TMEM131: variants seen among roughly 807,000 people sequenced by gnomAD.
TMEM131 encodes the protein transmembrane protein 131.
TMEM131 carries 66 observed loss-of-function variants against 211.6 expected under a neutral mutation model. The ratio of observed to expected loss-of-function variants is 0.31; its 90% confidence interval spans 0.26 to 0.38. The LOEUF is 0.38. Among genes scored for constraint, TMEM131 ranks in the 10% least tolerant of loss-of-function variants. The pLI, the probability that TMEM131 is intolerant of heterozygous loss-of-function variation, is 1.00. For synonymous variants in TMEM131, 844 were observed against 841.3 expected (o/e 1.00, Z -0.06); for missense variants, 2,036 against 2,299.3 (o/e 0.89, Z 2.34).
chr2:97,876,342 C>T (rs999927856), intron 4 of TMEM131, among the ~76,000 whole-genome samples: 4 of 152,120 alleles, frequency 2.6e-5, no homozygotes, highest in Admixed American at 6.6e-5. Context: ...GGGAATCCTC[C>T]CTAACTCATT....
chr2:97,843,500 T>C (rs192382633), intron 6 of TMEM131, among the ~76,000 whole-genome samples: 17 of 152,252 alleles, frequency 1.1e-4, no homozygotes, highest in African/African-American at 3.6e-4. Flanking sequence ...TGTGCCCAGT[T>C]AATTTATAAA....
intron 38 of TMEM131, 114 bp downstream of exon 38, chr2:97,760,479 G>A: frequency 1.0e-6 from 1 of 1,003,228 alleles, no homozygotes. Context: ...TCTGACAAAT[G>A]CCTCCTTGTA....
chr2:97,924,982 C>T (rs12992955), intron 2 of TMEM131, among the ~76,000 whole-genome samples: 52,450 of 152,014 alleles, frequency 0.35, 9,961 homozygotes, highest in Middle Eastern at 0.47. Flanking sequence ...CAGGCTCAAG[C>T]GATCCTCCTG....
At chr2:97,958,893 C>A (rs1409941244) in intron 1 of TMEM131, among the ~76,000 whole-genome samples, 1 of 152,140 alleles carries the variant, frequency 6.6e-6, no homozygotes, top group Non-Finnish European at 1.5e-5. Flanking sequence ...ACGGGCAGAA[C>A]CTCCCTCCAG....
chr2:97,766,421 A>G, intron 34 of TMEM131, 57 bp downstream of exon 34: 2 of 1,611,392 alleles, frequency 1.2e-6, no homozygotes, highest in Non-Finnish European at 1.7e-6. Context: ...AATTGTTAAT[A>G]CGGTGCACTA....
intron 11 of TMEM131, among the ~76,000 whole-genome samples, chr2:97,829,542 G>A (rs1174056819): frequency 6.6e-6 from 1 of 152,172 alleles, no homozygotes; most frequent in East Asian, 1.9e-4. Flanking sequence ...TAAAATGGAC[G>A]AATCAGCAGA....
chr2:97,928,856 A>G (rs555772104), intron 1 of TMEM131, among the ~76,000 whole-genome samples: 1 of 151,898 alleles, frequency 6.6e-6, no homozygotes, highest in East Asian at 1.9e-4. Context: ...CCAGGTGGTA[A>G]TGGTTAAGAG....
intron 12 of TMEM131, among the ~76,000 whole-genome samples, chr2:97,817,444 C>T (rs1413845581): frequency 2.0e-5 from 3 of 152,136 alleles, no homozygotes; most frequent in Admixed American, 6.5e-5. Flanking sequence ...AAAAATTAGC[C>T]GCCTCCTCCT....
chr2:97,873,765 T>C (rs1342888127), intron 4 of TMEM131, among the ~76,000 whole-genome samples: 1 of 152,134 alleles, frequency 6.6e-6, no homozygotes, highest in East Asian at 1.9e-4. Context: ...AAGATGGGGA[T>C]AAACCAGCAC....
At chr2:97,877,013 GA>G (rs1674724550) in intron 4 of TMEM131, among the ~76,000 whole-genome samples, 2 of 152,134 alleles carry the variant, frequency 1.3e-5, no homozygotes, top group Admixed American at 6.5e-5. Flanking sequence ...AAAGTCTCAG[GA>G]TACAAAATCA....
At chr2:97,902,726 T>C (rs1675907224) in intron 3 of TMEM131, among the ~76,000 whole-genome samples, 1 of 152,138 alleles carries the variant, frequency 6.6e-6, no homozygotes, top group Non-Finnish European at 1.5e-5. Context: ...CAAAAAGAGA[T>C]TAACATCTGA....
At chr2:97,822,004 T>C (rs966212248) in intron 11 of TMEM131, among the ~76,000 whole-genome samples, 7 of 152,172 alleles carry the variant, frequency 4.6e-5, no homozygotes, top group African/African-American at 1.7e-4. Context: ...CAAAGTTATG[T>C]TGCCCAAGCG....
At chr2:97,880,248 T>C (rs1674871111) in intron 4 of TMEM131, among the ~76,000 whole-genome samples, 1 of 152,072 alleles carries the variant, frequency 6.6e-6, no homozygotes, top group African/African-American at 2.4e-5. Flanking sequence ...GTGGAGGACA[T>C]ATAAGGAAGG....
chr2:97,909,500 G>C (rs1676208813), intron 2 of TMEM131, among the ~76,000 whole-genome samples: 2 of 152,190 alleles, frequency 1.3e-5, no homozygotes. Flanking sequence ...GGAGGCAACA[G>C]CTGTAGTTCA....
At chr2:97,765,971 A>C (rs902557525) in intron 35 of TMEM131, 143 bp downstream of exon 35, 11 of 983,724 alleles carry the variant, frequency 1.1e-5, no homozygotes, top group East Asian at 2.6e-5. Flanking sequence ...GCCACTGATT[A>C]GGCTAGTTAA....
rs753635047 is a variant in TMEM131 at position 97,838,426 on chromosome 2, C to CTTTTTTTTTTTTTTTTTTTTTTTTT, written c.724-1294_724-1270dup. Among the ~76,000 whole-genome samples, 5 of 89,094 alleles carry CTTTTTTTTTTTTTTTTTTTTTTTTT rather than the reference C, an allele frequency of 5.6e-5. 1 individual carries two copies. Among genetic ancestry groups the CTTTTTTTTTTTTTTTTTTTTTTTTT allele is most frequent in the African/African-American group, 2.1e-4 (5 of 23,514 alleles). 58.4% of individuals were successfully genotyped at this position (89,094 alleles called of 152,430 possible). A position where few individuals can be genotyped will look rare whatever the true frequency, so the allele number is the denominator to read the frequency against. On this transcript the variant is annotated intron_variant, in intron 7 of 40. Transcript: ENST00000186436. ...AAAAATGGCAATTCTTAAGCTTAAACTTTTTTTTTTTTTTTTTTTTTTTTT... is the reference window on the plus strand; with the variant it reads ...AAAAATGGCAATTCTTAAGCTTAAACTTTTTTTTTTTTTTTTTTTTTTTTTTTTTTTTTTTTTTTTTTTTTTTTTT...
chr2:97,944,856 G>A (rs1244946526), intron 1 of TMEM131, among the ~76,000 whole-genome samples: 3 of 152,148 alleles, frequency 2.0e-5, no homozygotes, highest in South Asian at 2.1e-4. Context: ...CTAAGTCGCT[G>A]GTGGTAACAT....
intron 31 of TMEM131, among the ~76,000 whole-genome samples, chr2:97,788,339 G>C (rs993203893): frequency 6.6e-6 from 1 of 152,108 alleles, no homozygotes; most frequent in Non-Finnish European, 1.5e-5. Flanking sequence ...TCAGCAACGT[G>C]GAATCTGACT....
chr2:97,758,351 TA>T (rs1311647187), intron 40 of TMEM131, among the ~76,000 whole-genome samples: 1 of 152,238 alleles, frequency 6.6e-6, no homozygotes, highest in African/African-American at 2.4e-5. Context: ...CCAAAACCAC[TA>T]ATTATTTTCC....
Sources: gnomAD v4.1 joint callset for allele counts (sites outside exome capture counted in the v4.1 genomes callset) on GRCh38, gnomAD v4.1.1 for gene constraint, MANE v1.5 for transcripts, NCBI Gene and HGNC (gene_info 2026-07-23, HGNC 2026-07-21) for gene names.